TRHDE: variants seen among roughly 807,000 people sequenced by gnomAD.
TRHDE encodes the protein thyrotropin-releasing hormone-degrading ectoenzyme.
A neutral mutation model predicts 125.7 loss-of-function variants in TRHDE; 72 were observed. The ratio of observed to expected loss-of-function variants is 0.57; its 90% CI spans 0.47 to 0.70. The LOEUF (loss-of-function observed/expected upper bound fraction) is 0.70, where lower values mean the gene tolerates loss of function less well. Among genes scored for constraint, TRHDE ranks in the 30% least tolerant of loss-of-function variants. The probability of loss-of-function intolerance (pLI) is 0.00; values close to 1 mark genes in which losing one functional copy is unlikely to be tolerated. For synonymous variants in TRHDE, 509 were observed against 509.1 expected (o/e 1.00, Z 0.00); for missense variants, 1,110 against 1,327.1 (o/e 0.84, Z 2.54).
chr12:72,403,595 A>G (rs1873137629), intron 3 of TRHDE, among the ~76,000 whole-genome samples: 2 of 152,186 alleles, frequency 1.3e-5, no homozygotes, highest in African/African-American at 4.8e-5. Flanking sequence ...CTAAATATTT[A>G]TACTTGCCTT....
intron 3 of TRHDE, among the ~76,000 whole-genome samples, chr12:72,451,821 T>G (rs550418182): frequency 3.4e-4 from 52 of 152,264 alleles, no homozygotes; most frequent in African/African-American, 1.3e-3. Flanking sequence ...TTTTTCTTTC[T>G]TTTTGTTTGT....
At chr12:72,584,154 TTG>T (rs959608991) in intron 12 of TRHDE, among the ~76,000 whole-genome samples, 2 of 152,100 alleles carry the variant, frequency 1.3e-5, no homozygotes, top group Non-Finnish European at 2.9e-5. Context: ...AGTACCAAAT[TTG>T]TGTTTCATCT....
At chr12:72,122,582 T>C (rs769968697) in intron 2 of TRHDE, among the ~76,000 whole-genome samples, 11 of 152,192 alleles carry the variant, frequency 7.2e-5, no homozygotes, top group Non-Finnish European at 1.5e-4. Context: ...ATACTATTTA[T>C]ACTTTAATTG....
At chr12:72,480,699 C>A (rs1877128309) in intron 5 of TRHDE, among the ~76,000 whole-genome samples, 1 of 152,068 alleles carries the variant, frequency 6.6e-6, no homozygotes, top group South Asian at 2.1e-4. Flanking sequence ...CAAGGCCATC[C>A]TTTCTCATAT....
chr12:72,652,969 G>T (rs1874564976), intron 16 of TRHDE, 47 bp from the exon 17 acceptor site: 1 of 1,515,640 alleles, frequency 6.6e-7, no homozygotes, highest in South Asian at 1.2e-5. Context: ...TTATAAAAAT[G>T]TTTAAGTTAT....
chr12:72,544,821 G>T (rs1368714876), intron 7 of TRHDE, among the ~76,000 whole-genome samples: 1 of 151,260 alleles, frequency 6.6e-6, no homozygotes, highest in South Asian at 2.1e-4. Context: ...TAGGTTTCTG[G>T]GTTAGTTCAC....
intron 15 of TRHDE, among the ~76,000 whole-genome samples, chr12:72,637,338 T>C (rs1248274906): frequency 5.3e-5 from 8 of 152,242 alleles, no homozygotes; most frequent in Non-Finnish European, 1.2e-4. Flanking sequence ...TTCTGTGGGA[T>C]TGGTGGTGAT....
chr12:72,423,809 G>A (rs1176328014), intron 3 of TRHDE, among the ~76,000 whole-genome samples: 1 of 152,042 alleles, frequency 6.6e-6, no homozygotes, highest in Non-Finnish European at 1.5e-5. Context: ...GGAAGAGGAA[G>A]CAGAAGAGGA....
At chr12:72,125,634 G>GTA (rs927275132) in intron 2 of TRHDE, among the ~76,000 whole-genome samples, 1 of 152,106 alleles carries the variant, frequency 6.6e-6, no homozygotes, top group African/African-American at 2.4e-5. Flanking sequence ...GTATTTTAAA[G>GTA]TATGTAGCAT....
At chr12:72,411,452 T>A (rs1177937581) in intron 3 of TRHDE, among the ~76,000 whole-genome samples, 1 of 151,954 alleles carries the variant, frequency 6.6e-6, no homozygotes, top group Non-Finnish European at 1.5e-5. Flanking sequence ...GTATAAGAAT[T>A]CTGTGGAAAA....
At chr12:72,456,141 ACACACACACACAC>A (rs1436368050) in intron 3 of TRHDE, among the ~76,000 whole-genome samples, 3 of 105,604 alleles carry the variant, frequency 2.8e-5, no homozygotes, top group Non-Finnish European at 3.6e-5. Context: ...ACACACACAC[ACACACACACACAC>A]ACACACACAC....
intron 12 of TRHDE, among the ~76,000 whole-genome samples, chr12:72,585,935 G>A (rs1158642448): frequency 6.6e-6 from 1 of 152,130 alleles, no homozygotes; most frequent in African/African-American, 2.4e-5. Flanking sequence ...CAGGCTTTAT[G>A]TTTGGGTAAT....
intron 2 of TRHDE, among the ~76,000 whole-genome samples, chr12:72,221,521 A>G (rs1181052933): frequency 1.3e-5 from 2 of 152,102 alleles, no homozygotes; most frequent in East Asian, 3.9e-4. Context: ...GAAGAGTCCT[A>G]CTCATTATTA....
intron 12 of TRHDE, among the ~76,000 whole-genome samples, chr12:72,608,997 T>C (rs928255227): frequency 2.6e-5 from 4 of 152,114 alleles, no homozygotes; most frequent in Admixed American, 2.6e-4. Context: ...CTGAGAAGAT[T>C]GTTTAAAGGA....
chr12:72,588,063 C>T (rs1871518204), intron 12 of TRHDE, among the ~76,000 whole-genome samples: 1 of 152,110 alleles, frequency 6.6e-6, no homozygotes, highest in Admixed American at 6.6e-5. Context: ...GATCAGCAAG[C>T]ATCTTTCACG....
At chr12:72,455,343 T>C (rs775121482) in intron 3 of TRHDE, among the ~76,000 whole-genome samples, 6 of 152,178 alleles carry the variant, frequency 3.9e-5, no homozygotes, top group Non-Finnish European at 7.4e-5. Context: ...GGTTATTTGG[T>C]ACAAAAATCT....
chr12:72,555,534 T>C (rs1332073137), intron 7 of TRHDE, among the ~76,000 whole-genome samples: 1 of 152,206 alleles, frequency 6.6e-6, no homozygotes. Flanking sequence ...TAAACATTAT[T>C]TTTTAATCTT....
intron 2 of TRHDE, among the ~76,000 whole-genome samples, chr12:72,234,306 A>G (rs1253318122): frequency 1.3e-5 from 2 of 152,182 alleles, no homozygotes; most frequent in Non-Finnish European, 2.9e-5. Context: ...TTAAATCAAC[A>G]GCTGTTACAC....
At chr12:72,258,318 G>T (rs1471580191) in intron 2 of TRHDE, 1 of 152,104 alleles carries the variant, frequency 6.6e-6, no homozygotes, top group Non-Finnish European at 1.5e-5. Context: ...AATAGGCAAA[G>T]CTGGTGCCTA....
Sources: gnomAD v4.1 joint callset for allele counts (sites outside exome capture counted in the v4.1 genomes callset) on GRCh38, gnomAD v4.1.1 for gene constraint, MANE v1.5 for transcripts, NCBI Gene and HGNC (gene_info 2026-07-23, HGNC 2026-07-21) for gene names.